The following DCHS2 variants were observed in gnomAD, a reference collection of about 807,000 sequenced individuals.
DCHS2 encodes protocadherin-23.
DCHS2 carries 142 observed loss-of-function variants against 182.4 expected under a neutral mutation model. The observed-to-expected ratio is 0.78, with a 90% CI of 0.68 to 0.89. The LOEUF (loss-of-function observed/expected upper bound fraction) is 0.89, where lower values mean the gene tolerates loss of function less well. DCHS2 is among the 40% of genes least tolerant of loss of function. The pLI is 0.00. For missense variants in DCHS2, 4,319 were observed against 4,198.6 expected (o/e 1.03, Z -0.79); for synonymous variants, 1,740 against 1,663.3 (o/e 1.05, Z -1.12).
Position 154,315,795 on chromosome 4 carries a change from T to A in DCHS2, c.5213A>T (p.Asn1738Ile). 6.2e-7 allele frequency: 1 copy of A among 1,614,038 alleles called. No individual in the cohort carries two copies. The highest frequency in any genetic ancestry group is 8.5e-7 in the Non-Finnish European group (1 of 1,179,962). Reference protein sequence around the residue: ...LYEASVKENQNPGEFVTRVEA... With the variant: ...LYEASVKENQIPGEFVTRVEA... ...AACCCTGGTAACAAACTCCCCTGGA[T>A]TTTGGTTTTCTTTCACTGAGGCTTC... The change falls in exon 10 of 20, where the codon AAT (asparagine) becomes ATT (isoleucine). Residue 1738 changes from asparagine to isoleucine, a missense_variant. Coordinates refer to ENST00000357232, the MANE Select transcript of DCHS2 (RefSeq NM_001358235.2).
chr4:154,267,668 T>G (rs934953884), intron 14 of DCHS2, among the ~76,000 whole-genome samples: 18 of 151,366 alleles, frequency 1.2e-4, no homozygotes, highest in African/African-American at 3.4e-4. Flanking sequence ...GTGCTTCCTT[T>G]GTACATCTAT....
chr4:154,303,176 T>A (rs938332729), intron 12 of DCHS2, among the ~76,000 whole-genome samples: 3 of 151,892 alleles, frequency 2.0e-5, no homozygotes, highest in African/African-American at 7.3e-5. Flanking sequence ...GAGGTGGGGT[T>A]TCACCATGTT....
chr4:154,454,136 C>CACAA (rs1734659999), intron 1 of DCHS2, among the ~76,000 whole-genome samples: 1 of 10,450 alleles, frequency 9.6e-5, no homozygotes, highest in African/African-American at 1.9e-4. Flanking sequence ...CATGCGCGCG[C>CACAA]ACACACACAC....
intron 1 of DCHS2, among the ~76,000 whole-genome samples, chr4:154,426,461 C>T: frequency 6.6e-6 from 1 of 152,042 alleles, no homozygotes; most frequent in East Asian, 1.9e-4. Flanking sequence ...AGGGAATAAG[C>T]AGGAAGCTAC....
intron 1 of DCHS2, among the ~76,000 whole-genome samples, chr4:154,423,970 T>C (rs1037365395): frequency 6.6e-6 from 1 of 152,248 alleles, no homozygotes; most frequent in Non-Finnish European, 1.5e-5. Context: ...TGGTTTATCT[T>C]CTTCAAGCCT....
intron 1 of DCHS2, among the ~76,000 whole-genome samples, chr4:154,397,814 G>C (rs775305885): frequency 6.6e-6 from 1 of 152,162 alleles, no homozygotes; most frequent in Non-Finnish European, 1.5e-5. Flanking sequence ...TTCTCAAAAT[G>C]AGGAGATGAG....
At chr4:154,290,266 T>A (rs767444925) in intron 13 of DCHS2, among the ~76,000 whole-genome samples, 1 of 151,928 alleles carries the variant, frequency 6.6e-6, no homozygotes, top group Non-Finnish European at 1.5e-5. Context: ...ATGAAAAGTA[T>A]AAAAGATTGA....
chr4:154,249,713 T>TA lies in DCHS2; in HGVS notation c.6941+5805dup, dbSNP rs1327448024. 6.6e-5 allele frequency among the ~76,000 whole-genome samples: 10 copies of TA among 152,096 alleles called. No homozygotes were observed. In the East Asian group the frequency reaches 1.9e-3, roughly 29 times the overall value. On this transcript the variant is annotated intron_variant, in intron 16 of 19. Coordinates refer to ENST00000357232, the MANE Select transcript of DCHS2 (RefSeq NM_001358235.2). Reference sequence around the variant, plus strand: ...AAGGAAAATGTGATCTATGCAGCCATAAAAAAGAATAAAATCATGTCTTTT... The same window carrying TA: ...AAGGAAAATGTGATCTATGCAGCCATAAAAAAAGAATAAAATCATGTCTTTT...
intron 1 of DCHS2, among the ~76,000 whole-genome samples, chr4:154,444,087 T>G (rs573235376): frequency 6.6e-6 from 1 of 152,260 alleles, no homozygotes; most frequent in Admixed American, 6.5e-5. Flanking sequence ...GGGATGGACT[T>G]CTGCATGGCC....
Position 154,240,684 on chromosome 4 carries a change from C to T in DCHS2, c.7212G>A (p.Leu2404=). ...AIDQNTGVVV[L]VKTLDFEEMT... is the part of the protein sequence containing the mutation. ...TTTCTTCAAAATCCAATGTTTTCAC[C>T]AACACCACCACTCCAGTGTTCTGAT... The change falls in exon 18 of 20, where the codon TTG becomes TTA. Residue 2404 remains leucine, a synonymous_variant. Coordinates refer to ENST00000357232, the MANE Select transcript of DCHS2 (RefSeq NM_001358235.2). 6.2e-7 allele frequency: 1 copy of T among 1,613,894 alleles called. No individual in the cohort carries two copies. Among genetic ancestry groups the T allele is most frequent in the South Asian group, 1.1e-5 (1 of 91,070 alleles).
chr4:154,242,526 A>C, intron 17 of DCHS2, 116 bp downstream of exon 17: 1 of 1,366,324 alleles, frequency 7.3e-7, no homozygotes, highest in Non-Finnish European at 9.6e-7. Flanking sequence ...AAAATGATCT[A>C]GTTTGCTTGG....
intron 13 of DCHS2, among the ~76,000 whole-genome samples, chr4:154,291,037 A>G (rs1734634917): frequency 1.3e-5 from 2 of 152,170 alleles, no homozygotes; most frequent in Admixed American, 6.6e-5. Context: ...CAAACTATCT[A>G]TCTGACAAGG....
intron 2 of DCHS2, among the ~76,000 whole-genome samples, chr4:154,367,510 A>C (rs937706581): frequency 3.3e-5 from 5 of 152,166 alleles, no homozygotes; most frequent in African/African-American, 1.2e-4. Context: ...TGTTGCCTCC[A>C]TCTAAAATCA....
intron 3 of DCHS2, among the ~76,000 whole-genome samples, chr4:154,364,674 C>A (rs897113473): frequency 1.3e-5 from 2 of 152,176 alleles, no homozygotes; most frequent in Non-Finnish European, 2.9e-5. Flanking sequence ...GAAGCAGCGG[C>A]TCTCTACCTA....
At chr4:154,354,937 A>G (rs1396194691) in intron 3 of DCHS2, 2 of 151,772 alleles carry the variant, frequency 1.3e-5, no homozygotes, top group Non-Finnish European at 2.9e-5. Context: ...TTTTTCCCCC[A>G]TTCCTAAGTG....
At chr4:154,399,299 C>T (rs560258555) in intron 1 of DCHS2, among the ~76,000 whole-genome samples, 26 of 152,234 alleles carry the variant, frequency 1.7e-4, no homozygotes, top group Admixed American at 5.2e-4. Flanking sequence ...TCAGATGCCA[C>T]GCAAGAGTTT....
At chr4:154,312,018 TA>T (rs1735688699) in intron 10 of DCHS2, among the ~76,000 whole-genome samples, 1 of 151,676 alleles carries the variant, frequency 6.6e-6, no homozygotes, top group South Asian at 2.1e-4. Flanking sequence ...AATATATATA[TA>T]GAGAAAATTT....
intron 1 of DCHS2, among the ~76,000 whole-genome samples, chr4:154,450,546 G>A (rs927832341): frequency 5.9e-5 from 9 of 152,154 alleles, no homozygotes; most frequent in African/African-American, 2.2e-4. Context: ...AAAAATTTAG[G>A]AGCCAGCCGG....
chr4:154,294,062 C>T (rs1425600755), intron 13 of DCHS2, among the ~76,000 whole-genome samples: 2 of 152,116 alleles, frequency 1.3e-5, no homozygotes, highest in African/African-American at 4.8e-5. Flanking sequence ...GGGGAATACC[C>T]ACTAGGAGCA....
Sources: gnomAD v4.1 joint callset for allele counts (sites outside exome capture counted in the v4.1 genomes callset) on GRCh38, gnomAD v4.1.1 for gene constraint, MANE v1.5 for transcripts, NCBI Gene and HGNC (gene_info 2026-07-23, HGNC 2026-07-21) for gene names.